Variants in ANTXR2 observed in about 807,000 individuals in gnomAD.
The protein encoded by ANTXR2 is anthrax toxin receptor 2.
In ANTXR2, 44 loss-of-function variants were observed where a neutral mutation model predicts 73.7. The observed-to-expected ratio is 0.60, with a 90% CI of 0.47 to 0.77. ANTXR2 has a LOEUF of 0.77. Ranked by LOEUF, ANTXR2 falls within the 30% of genes least tolerant of loss-of-function variation. The pLI, the probability that ANTXR2 is intolerant of heterozygous loss-of-function variation, is 0.00. For missense variants in ANTXR2, 604 were observed against 592.5 expected, an observed-to-expected ratio of 1.02 and a Z score of -0.20; for synonymous variants, 217 against 205.9, an observed-to-expected ratio of 1.05 and a Z score of -0.46.
At chr4:79,919,865 TTATATATATATATATATATATATA>T (rs869257072) in intron 16 of ANTXR2, among the ~76,000 whole-genome samples, 57 of 17,858 alleles carry the variant, frequency 3.2e-3, no homozygotes, top group Admixed American at 6.8e-3. Context: ...AATACATATT[TTATATATATATATATATATATATA>T]TATATATATA....
At chr4:80,062,990 A>G (rs1420865487) in intron 3 of ANTXR2, among the ~76,000 whole-genome samples, 2 of 152,224 alleles carry the variant, frequency 1.3e-5, no homozygotes, top group Non-Finnish European at 2.9e-5. Flanking sequence ...CAACAGCAAG[A>G]AAAGAAAAAT....
intron 16 of ANTXR2, among the ~76,000 whole-genome samples, chr4:79,951,060 T>A (rs1317873809): frequency 6.6e-6 from 1 of 152,164 alleles, no homozygotes; most frequent in Admixed American, 6.6e-5. Flanking sequence ...AAGAGTATAC[T>A]GCCTGTCACC....
chr4:79,982,160 G>C (rs1322502963), intron 14 of ANTXR2, among the ~76,000 whole-genome samples: 2 of 151,934 alleles, frequency 1.3e-5, no homozygotes, highest in African/African-American at 4.8e-5. Context: ...TTCAATTAAG[G>C]CTCACATACT....
intron 16 of ANTXR2, among the ~76,000 whole-genome samples, chr4:79,955,389 T>A (rs1728851138): frequency 6.6e-6 from 1 of 152,110 alleles, no homozygotes; most frequent in Non-Finnish European, 1.5e-5. Flanking sequence ...ATATATGCCA[T>A]TTTTTTAGTC....
intron 12 of ANTXR2, among the ~76,000 whole-genome samples, chr4:80,007,812 C>T (rs959998107): frequency 5.3e-5 from 8 of 152,156 alleles, no homozygotes; most frequent in African/African-American, 1.9e-4. Context: ...AGAAACACAT[C>T]CCTTCCAACA....
intron 16 of ANTXR2, among the ~76,000 whole-genome samples, chr4:79,931,449 T>TTCTCTCTC (rs142694925): frequency 3.0e-5 from 4 of 134,086 alleles, no homozygotes; most frequent in Non-Finnish European, 4.5e-5. Flanking sequence ...TCCTCGCTTC[T>TTCTCTCTC]TCTCTCTCTC....
intron 11 of ANTXR2, among the ~76,000 whole-genome samples, chr4:80,016,497 A>G (rs9992915): frequency 0.36 from 54,478 of 152,068 alleles, 12,028 homozygotes; most frequent in Non-Finnish European, 0.47. Context: ...ACTATTTCCC[A>G]GTAAATATTA....
At chr4:79,957,063 T>C (rs1362864054) in intron 16 of ANTXR2, among the ~76,000 whole-genome samples, 1 of 152,122 alleles carries the variant, frequency 6.6e-6, no homozygotes, top group Non-Finnish European at 1.5e-5. Flanking sequence ...TATATCATAA[T>C]TTTTATGTGA....
At position 80,055,412 on chromosome 4, in the gene ANTXR2, G is replaced by C. The variant is rs1425437347; in HGVS notation, c.434C>G (p.Ala145Gly). 6.2e-7 allele frequency: 1 copy of C among 1,611,116 alleles called. No homozygotes were observed. Among genetic ancestry groups the C allele is most frequent in the Non-Finnish European group, 8.5e-7 (1 of 1,178,408 alleles). Residue 145 changes from alanine to glycine, a missense_variant, in exon 5 of 17, where the codon GCT becomes GGT. By Grantham distance (60) the Ala-to-Gly change is moderately conservative. Coordinates refer to ENST00000403729, the MANE Select transcript of ANTXR2 (RefSeq NM_058172.6). ...ACCGTCCAACTTGCCATCTGTCAGA[G>C]CAATTATGATACTGGAGGTTTTCAA... ...GGLKTSSIIIALTDGKLDGLV... is the reference protein window; with the variant it reads ...GGLKTSSIIIGLTDGKLDGLV...
chr4:79,926,952 T>C (rs868487133), intron 16 of ANTXR2, among the ~76,000 whole-genome samples: 2 of 95,806 alleles, frequency 2.1e-5, no homozygotes, highest in East Asian at 4.9e-4. Context: ...TGTGTATATA[T>C]ACGTGTGCAT....
intron 10 of ANTXR2, among the ~76,000 whole-genome samples, chr4:80,022,792 C>A (rs1362650797): frequency 6.6e-6 from 1 of 152,134 alleles, no homozygotes. Flanking sequence ...CCCCAAGGAT[C>A]TAATAATATT....
chr4:79,914,539 T>C (rs995223249), intron 16 of ANTXR2, among the ~76,000 whole-genome samples: 6 of 152,122 alleles, frequency 3.9e-5, no homozygotes, highest in African/African-American at 1.4e-4. Flanking sequence ...AATCCTCCAA[T>C]AAAGAATTGC....
At position 79,926,976 on chromosome 4, in the gene ANTXR2, T is replaced by TATATAC. The variant is rs10674130; in HGVS notation, c.1429-19510_1429-19509insGTATAT. Among the ~76,000 whole-genome samples, 429 of 90,480 alleles carry TATATAC rather than the reference T, an allele frequency of 4.7e-3. 7 individuals carry two copies. Among genetic ancestry groups the TATATAC allele is most frequent in the Middle Eastern group, 0.01 (2 of 198 alleles). The allele number at this position is 90,480 out of a possible 152,430, so 59.4% of individuals were successfully genotyped here. A position where few individuals can be genotyped will look rare whatever the true frequency, so the allele number is the denominator to read the frequency against. ...ATACGTGTGCATATATGTGTATATA[T>TATATAC]ACGTGTGCATATATGTGTATATATA... On this transcript the variant is annotated intron_variant, in intron 16 of 16. Transcript: ENST00000403729.
intron 10 of ANTXR2, 86 bp from the exon 11 acceptor site, chr4:80,019,062 A>G (rs1030722215): frequency 8.7e-6 from 8 of 919,554 alleles, no homozygotes; most frequent in Non-Finnish European, 7.8e-6. Flanking sequence ...ATTCAAAACC[A>G]GCCAGAAAAC....
intron 12 of ANTXR2, among the ~76,000 whole-genome samples, chr4:80,004,114 G>A (rs144125197): frequency 6.6e-6 from 1 of 151,766 alleles, no homozygotes; most frequent in Non-Finnish European, 1.5e-5. Context: ...ACAGAAGCTT[G>A]GGTGGATCTC....
At position 80,072,828 on chromosome 4, in the gene ANTXR2, T is replaced by C; in HGVS notation, c.-268A>G. On this transcript the variant is annotated 5_prime_UTR_variant, in exon 1 of 17. Coordinates refer to ENST00000403729, the MANE Select transcript of ANTXR2 (RefSeq NM_058172.6). ...TGGAAGCGCGATCCAGTCCTCCCCC[T>C]CCCGATTCCGGAGAGTTCCTGCAGA... is the stretch of plus-strand genomic sequence containing the variant. The C allele has an allele frequency of 1.3e-6, 1 of 751,136 alleles. No individual in the cohort carries two copies. Among genetic ancestry groups the C allele is most frequent in the Non-Finnish European group, 1.8e-6 (1 of 549,396 alleles). The allele number at this position is 751,136 out of a possible 1,614,324, so 46.5% of individuals were successfully genotyped here.
chr4:79,923,782 G>A (rs1727678611), intron 16 of ANTXR2, among the ~76,000 whole-genome samples: 1 of 152,048 alleles, frequency 6.6e-6, no homozygotes. Flanking sequence ...GTTATTCCCT[G>A]TCAAATAAAT....
chr4:79,944,675 A>T (rs1728449325), intron 16 of ANTXR2, among the ~76,000 whole-genome samples: 1 of 152,138 alleles, frequency 6.6e-6, no homozygotes, highest in African/African-American at 2.4e-5. Flanking sequence ...GTTGGTACAC[A>T]TATATTTGTG....
chr4:79,907,346 C>G lies in ANTXR2; in HGVS notation c.*83G>C. ...TGCTCTTCCAAAAGCTTCTGAAATGCACTTGATTTTTTTCATTTGGTTGAA... is the reference window on the plus strand; with the variant it reads ...TGCTCTTCCAAAAGCTTCTGAAATGGACTTGATTTTTTTCATTTGGTTGAA... On this transcript the variant is annotated 3_prime_UTR_variant, in exon 17 of 17. Coordinates refer to ENST00000403729, the MANE Select transcript of ANTXR2 (RefSeq NM_058172.6). The G allele has an allele frequency of 7.0e-7, 1 of 1,437,988 alleles. No homozygotes were observed. The highest frequency in any genetic ancestry group is 9.7e-7 in the Non-Finnish European group (1 of 1,028,108). The allele number at this position is 1,437,988 out of a possible 1,614,324, so 89.1% of individuals were successfully genotyped here.
Sources: gnomAD v4.1 joint callset for allele counts (sites outside exome capture counted in the v4.1 genomes callset) on GRCh38, gnomAD v4.1.1 for gene constraint, MANE v1.5 for transcripts, NCBI Gene and HGNC (gene_info 2026-07-23, HGNC 2026-07-21) for gene names.